Variants in EPHA3 observed in about 807,000 individuals in gnomAD.
EPHA3 encodes the protein ephrin type-A receptor 3.
A neutral mutation model predicts 107.1 loss-of-function variants in EPHA3; 42 were observed. The ratio of observed to expected loss-of-function variants is 0.39; its 90% CI spans 0.31 to 0.51. EPHA3 has a LOEUF of 0.51. Ranked by LOEUF, EPHA3 falls within the 20% of genes least tolerant of loss-of-function variation. EPHA3 has a pLI of 0.78. For missense variants in EPHA3, 1,183 were observed against 1,211.2 expected, an observed-to-expected ratio of 0.98 and a Z score of 0.35; for synonymous variants, 461 against 424.8, an observed-to-expected ratio of 1.09 and a Z score of -1.05.
chr3:89,403,745 T>A (rs1709006257), intron 7 of EPHA3, among the ~76,000 whole-genome samples: 1 of 152,178 alleles, frequency 6.6e-6, no homozygotes, highest in East Asian at 1.9e-4. Flanking sequence ...CAGCTGAGCA[T>A]TATTAGGGTG....
chr3:89,402,732 G>A (rs1390075786), intron 7 of EPHA3, among the ~76,000 whole-genome samples: 1 of 151,842 alleles, frequency 6.6e-6, no homozygotes, highest in African/African-American at 2.4e-5. Flanking sequence ...GTCTTGCTCT[G>A]TCGCCCAGGT....
At chr3:89,136,173 G>A (rs921646675) in intron 2 of EPHA3, among the ~76,000 whole-genome samples, 1 of 151,750 alleles carries the variant, frequency 6.6e-6, no homozygotes, top group Non-Finnish European at 1.5e-5. Flanking sequence ...GTCAATCCAG[G>A]AACATCAAAT....
chr3:89,449,168 G>A (rs1220290205), intron 13 of EPHA3, 57 bp from the exon 14 acceptor site: 2 of 1,435,276 alleles, frequency 1.4e-6, no homozygotes, highest in African/African-American at 1.4e-5. Context: ...ATTATGTTAT[G>A]TATATTATAT....
intron 2 of EPHA3, among the ~76,000 whole-genome samples, chr3:89,160,546 TTTTGTGTG>T (rs372325729): frequency 0.08 from 7,265 of 90,832 alleles, 209 homozygotes; most frequent in Middle Eastern, 0.13. Context: ...TAATATTAGA[TTTTGTGTG>T]TGTGTGTGTG....
At chr3:89,237,982 A>G (rs1316653383) in intron 3 of EPHA3, among the ~76,000 whole-genome samples, 1 of 140,898 alleles carries the variant, frequency 7.1e-6, no homozygotes, top group East Asian at 2.1e-4. Context: ...ATGTCTCAGG[A>G]AAAAAAAAAA....
At chr3:89,192,416 G>A (rs1705741394) in intron 2 of EPHA3, among the ~76,000 whole-genome samples, 1 of 151,704 alleles carries the variant, frequency 6.6e-6, no homozygotes, top group Non-Finnish European at 1.5e-5. Context: ...TTTGAAGCAG[G>A]AAACTATAAT....
chr3:89,137,926 A>G (rs1704350757), intron 2 of EPHA3, among the ~76,000 whole-genome samples: 2 of 151,944 alleles, frequency 1.3e-5, no homozygotes, highest in Admixed American at 1.3e-4. Flanking sequence ...CTGGGCCCCA[A>G]TCATGACCTG....
intron 3 of EPHA3, among the ~76,000 whole-genome samples, chr3:89,239,163 C>A (rs1209338585): frequency 6.6e-6 from 1 of 152,166 alleles, no homozygotes; most frequent in Non-Finnish European, 1.5e-5. Flanking sequence ...CTATCTCTAA[C>A]TGTATACACT....
chr3:89,400,145 A>C, intron 7 of EPHA3: 1 of 801,072 alleles, frequency 1.2e-6, no homozygotes, highest in Non-Finnish European at 1.5e-6. Context: ...CTAATATAAA[A>C]TGAGTAGAAG....
intron 3 of EPHA3, among the ~76,000 whole-genome samples, chr3:89,274,746 A>G (rs2107304213): frequency 6.6e-6 from 1 of 152,130 alleles, no homozygotes; most frequent in African/African-American, 2.4e-5. Context: ...GAGAATGGAC[A>G]GCGATTTAGA....
intron 2 of EPHA3, among the ~76,000 whole-genome samples, chr3:89,183,468 T>G (rs918711486): frequency 1.3e-5 from 2 of 151,878 alleles, no homozygotes; most frequent in African/African-American, 4.8e-5. Flanking sequence ...AATATTATCC[T>G]GATTAGAAGG....
chr3:89,469,717 A>G (rs1710363455), intron 15 of EPHA3, among the ~76,000 whole-genome samples: 1 of 152,202 alleles, frequency 6.6e-6, no homozygotes, highest in Non-Finnish European at 1.5e-5. Flanking sequence ...CTCATATGTA[A>G]AACATTATAC....
At chr3:89,410,462 C>G in intron 9 of EPHA3, among the ~76,000 whole-genome samples, 1 of 151,872 alleles carries the variant, frequency 6.6e-6, no homozygotes, top group East Asian at 1.9e-4. Context: ...ATTCTGATGG[C>G]AGGAAATCTC....
intron 2 of EPHA3, among the ~76,000 whole-genome samples, chr3:89,157,603 G>A (rs1336487976): frequency 6.6e-6 from 1 of 151,968 alleles, no homozygotes; most frequent in Non-Finnish European, 1.5e-5. Flanking sequence ...GATGACTGTT[G>A]TAAAGGGGTA....
intron 2 of EPHA3, among the ~76,000 whole-genome samples, chr3:89,163,912 G>C (rs1354386209): frequency 1.3e-5 from 2 of 152,294 alleles, no homozygotes; most frequent in African/African-American, 2.4e-5. Flanking sequence ...AGGTGAATAA[G>C]AGGCTGATTA....
At chr3:89,349,931 G>T (rs1305398530) in intron 5 of EPHA3, among the ~76,000 whole-genome samples, 1 of 148,862 alleles carries the variant, frequency 6.7e-6, no homozygotes, top group Non-Finnish European at 1.5e-5. Context: ...CTTTGAGAAT[G>T]TTGAATATTG....
intron 14 of EPHA3, 35 bp from the exon 15 acceptor site, chr3:89,450,142 C>A (rs763389334): frequency 5.8e-5 from 89 of 1,522,532 alleles, no homozygotes; most frequent in Non-Finnish European, 7.6e-5. Flanking sequence ...TTCCTGAAAA[C>A]TTCCTGGTTC....
rs200073830 is a variant in EPHA3 at position 89,341,104 on chromosome 3, G to A, written c.970+33G>A. The A allele has an allele frequency of 4.1e-4, 656 of 1,594,058 alleles. 16 individuals carry two copies. In the South Asian group the frequency reaches 5.6e-3, roughly 14 times the overall value. ...GTTTTGCTGCAACCCATGCCTCCAT[G>A]TTTGTTTTGTTTTCTTCTTGTTACT... On this transcript the variant is annotated intron_variant, in intron 4 of 16. Transcript: ENST00000336596.
chr3:89,206,526 C>T (rs1706109837), intron 2 of EPHA3, among the ~76,000 whole-genome samples: 1 of 152,108 alleles, frequency 6.6e-6, no homozygotes, highest in South Asian at 2.1e-4. Flanking sequence ...AGCATTTGTT[C>T]TCTAGAGTTT....
Sources: gnomAD v4.1 joint callset for allele counts (sites outside exome capture counted in the v4.1 genomes callset) on GRCh38, gnomAD v4.1.1 for gene constraint, MANE v1.5 for transcripts, NCBI Gene and HGNC (gene_info 2026-07-23, HGNC 2026-07-21) for gene names.